TLL1: variants seen among roughly 807,000 people sequenced by gnomAD.
TLL1 encodes tolloid like 1.
A neutral mutation model predicts 128.2 loss-of-function variants in TLL1; 49 were observed. That is an observed-to-expected ratio of 0.38 (90% confidence interval 0.30 to 0.48). TLL1 has a LOEUF of 0.48. Ranked by LOEUF, TLL1 falls within the 20% of genes least tolerant of loss-of-function variation. TLL1 has a pLI of 0.96. For missense variants in TLL1, 1,123 were observed against 1,242.0 expected (o/e 0.90, Z 1.44); for synonymous variants, 454 against 418.8 (o/e 1.08, Z -1.03).
intron 16 of TLL1, among the ~76,000 whole-genome samples, chr4:166,072,790 G>A (rs1740850101): frequency 6.6e-6 from 1 of 151,960 alleles, no homozygotes; most frequent in Non-Finnish European, 1.5e-5. Context: ...ATTGTTGTAT[G>A]TTTCATGCAT....
chr4:165,966,534 G>A (rs1041879855), intron 1 of TLL1, among the ~76,000 whole-genome samples: 4 of 152,064 alleles, frequency 2.6e-5, no homozygotes, highest in South Asian at 2.1e-4. Context: ...ACCAGCCCCC[G>A]ATATTTCAAT....
chr4:165,961,376 T>C (rs1206486060), intron 1 of TLL1, among the ~76,000 whole-genome samples: 3 of 152,284 alleles, frequency 2.0e-5, no homozygotes, highest in South Asian at 2.1e-4. Context: ...ATCAATATTC[T>C]TAAAATGGCC....
chr4:166,091,037 A>G (rs1741746926), intron 18 of TLL1, 91 bp from the exon 19 acceptor site: 1 of 1,056,622 alleles, frequency 9.5e-7, no homozygotes, highest in Non-Finnish European at 1.4e-6. Context: ...CCCTGAACAT[A>G]TTTTATTGAT....
intron 1 of TLL1, among the ~76,000 whole-genome samples, chr4:165,920,297 G>C (rs1413074342): frequency 1.3e-5 from 2 of 152,184 alleles, no homozygotes; most frequent in African/African-American, 4.8e-5. Context: ...TTGTCAGGCA[G>C]AAATGCATAT....
chr4:165,920,862 A>C (rs2110888208), intron 1 of TLL1, among the ~76,000 whole-genome samples: 1 of 152,326 alleles, frequency 6.6e-6, no homozygotes, highest in South Asian at 2.1e-4. Context: ...GTCTACAATA[A>C]GTAAAGGTTC....
At chr4:165,950,285 G>A in intron 1 of TLL1, among the ~76,000 whole-genome samples, 1 of 152,016 alleles carries the variant, frequency 6.6e-6, no homozygotes, top group East Asian at 1.9e-4. Context: ...AAGATATGAA[G>A]CAAGAACTGA....
At chr4:165,931,450 C>T (rs867592552) in intron 1 of TLL1, among the ~76,000 whole-genome samples, 4 of 152,088 alleles carry the variant, frequency 2.6e-5, no homozygotes, top group Admixed American at 1.3e-4. Context: ...CAGGCGTGGT[C>T]ATTCACACCT....
At chr4:165,983,094 A>G (rs1400021616) in intron 1 of TLL1, among the ~76,000 whole-genome samples, 1 of 151,898 alleles carries the variant, frequency 6.6e-6, no homozygotes, top group Non-Finnish European at 1.5e-5. Flanking sequence ...ATATTAGGCC[A>G]TACACACAAA....
intron 1 of TLL1, among the ~76,000 whole-genome samples, chr4:165,926,938 A>C (rs1417748768): frequency 6.6e-6 from 1 of 152,022 alleles, no homozygotes; most frequent in Admixed American, 6.6e-5. Flanking sequence ...TCCTTTTTTC[A>C]AAAAACAGTC....
intron 1 of TLL1, among the ~76,000 whole-genome samples, chr4:165,965,503 A>G (rs1316010239): frequency 2.6e-5 from 4 of 152,118 alleles, no homozygotes; most frequent in Non-Finnish European, 4.4e-5. Flanking sequence ...TTAGCACAGT[A>G]TTTTTAATAA....
intron 1 of TLL1, among the ~76,000 whole-genome samples, chr4:165,980,054 G>A (rs1193752070): frequency 3.3e-5 from 5 of 152,096 alleles, no homozygotes; most frequent in Non-Finnish European, 5.9e-5. Flanking sequence ...TATCCAAACC[G>A]TATCCATGTT....
chr4:165,935,075 A>G (rs968745750), intron 1 of TLL1, among the ~76,000 whole-genome samples: 1 of 152,214 alleles, frequency 6.6e-6, no homozygotes, highest in East Asian at 1.9e-4. Context: ...CACTTTATAT[A>G]AAATGTTTTT....
At chr4:166,015,023 T>TA (rs140142627) in intron 8 of TLL1, among the ~76,000 whole-genome samples, 15 of 151,154 alleles carry the variant, frequency 9.9e-5, no homozygotes, top group East Asian at 7.8e-4. Context: ...AACTTTGTTG[T>TA]AAAAAAAAAT....
At chr4:165,961,087 A>G (rs1301591130) in intron 1 of TLL1, among the ~76,000 whole-genome samples, 1 of 152,122 alleles carries the variant, frequency 6.6e-6, no homozygotes, top group East Asian at 1.9e-4. Context: ...ATCCCACCAA[A>G]TGGCTCCTAG....
At chr4:165,933,321 T>C (rs1733613298) in intron 1 of TLL1, among the ~76,000 whole-genome samples, 1 of 152,056 alleles carries the variant, frequency 6.6e-6, no homozygotes, top group Admixed American at 6.5e-5. Context: ...GCCTCAGATC[T>C]GAGTGTTGTT....
intron 1 of TLL1, among the ~76,000 whole-genome samples, chr4:165,897,555 TG>T (rs1477652069): frequency 6.6e-6 from 1 of 151,722 alleles, no homozygotes; most frequent in Non-Finnish European, 1.5e-5. Context: ...GCATTATTTC[TG>T]GGGCCTCTGT....
At chr4:165,893,362 A>G (rs775744294) in intron 1 of TLL1, among the ~76,000 whole-genome samples, 1 of 152,200 alleles carries the variant, frequency 6.6e-6, no homozygotes, top group South Asian at 2.1e-4. Flanking sequence ...GAAAAGAAAT[A>G]AAGTGAGTCC....
At chr4:166,025,583 C>T (rs1178182484) in intron 9 of TLL1, 152 bp downstream of exon 9, 3 of 672,472 alleles carry the variant, frequency 4.5e-6, no homozygotes, top group East Asian at 5.5e-5. Context: ...ATTGCTTAAA[C>T]TCCAGGAATT....
At chr4:166,016,144 GTT>G (rs1737933286) in intron 8 of TLL1, among the ~76,000 whole-genome samples, 1 of 151,736 alleles carries the variant, frequency 6.6e-6, no homozygotes, top group African/African-American at 2.4e-5. Context: ...CCTTTAAAAT[GTT>G]TTATGTATGT....
Sources: allele counts gnomAD v4.1 joint callset (sites outside exome capture counted in the v4.1 genomes callset), GRCh38; gene constraint gnomAD v4.1.1; transcripts MANE v1.5; gene names NCBI Gene and HGNC (gene_info 2026-07-23, HGNC 2026-07-21).